RTCB: variants seen among roughly 807,000 people sequenced by gnomAD.
The protein encoded by RTCB is RNA-splicing ligase RTCB.
RTCB carries 32 observed loss-of-function variants against 58.2 expected under a neutral mutation model. The observed-to-expected ratio is 0.55, with a 90% CI of 0.41 to 0.74. RTCB has a LOEUF of 0.74. Among genes scored for constraint, RTCB ranks in the 30% least tolerant of loss-of-function variants. The probability of loss-of-function intolerance (pLI) is 0.00; values close to 1 mark genes in which losing one functional copy is unlikely to be tolerated. For missense variants in RTCB, 523 were observed against 639.0 expected (o/e 0.82, Z 1.96); for synonymous variants, 247 against 218.6 (o/e 1.13, Z -1.15).
At chr22:32,403,693 T>C (rs575296546) in intron 4 of RTCB, among the ~76,000 whole-genome samples, 1 of 152,174 alleles carries the variant, frequency 6.6e-6, no homozygotes, top group Non-Finnish European at 1.5e-5. Flanking sequence ...AGCCTCTGAA[T>C]TGCCTGGGAC....
intron 11 of RTCB, among the ~76,000 whole-genome samples, chr22:32,390,453 C>CTT (rs1303865991): frequency 6.9e-6 from 1 of 145,380 alleles, no homozygotes; most frequent in Non-Finnish European, 1.5e-5. Flanking sequence ...TTTCCAAATC[C>CTT]TTTTTTTTTT....
chr22:32,399,827 T>A, intron 5 of RTCB, 68 bp from the exon 6 acceptor site: 1 of 1,418,832 alleles, frequency 7.0e-7, no homozygotes, highest in Non-Finnish European at 9.5e-7. Flanking sequence ...GATGACCACA[T>A]CCTTAAAGGG....
chr22:32,394,915 CAG>C, intron 9 of RTCB, 109 bp downstream of exon 9: 1 of 888,614 alleles, frequency 1.1e-6, no homozygotes, highest in Non-Finnish European at 1.7e-6. Flanking sequence ...TCATGAGTGA[CAG>C]AGTATTTTCT....
chr22:32,410,673 G>A (rs1451588401), intron 1 of RTCB, among the ~76,000 whole-genome samples: 1 of 151,530 alleles, frequency 6.6e-6, no homozygotes, highest in East Asian at 1.9e-4. Flanking sequence ...GACAGTCTGT[G>A]TTATTAGATC....
At chr22:32,388,634 TTC>T (rs776053067) in intron 11 of RTCB, among the ~76,000 whole-genome samples, 2 of 152,142 alleles carry the variant, frequency 1.3e-5, no homozygotes, top group South Asian at 2.1e-4. Flanking sequence ...CACAGACAAT[TTC>T]TGTGACTTTC....
intron 10 of RTCB, 104 bp from the exon 11 acceptor site, chr22:32,392,463 A>AC (rs1358760048): frequency 6.9e-7 from 1 of 1,443,692 alleles, no homozygotes; most frequent in Non-Finnish European, 9.6e-7. Context: ...CATCTTTTTT[A>AC]CTTTATCGAA....
In RTCB at chr22:32,398,139, C is replaced by T. The variant is rs759809114; in HGVS notation, c.655-39G>A. ...AATGTCTGGTAAGATAGTTTTTATT[C>T]CAGTTTTTTTTTTAATCTATTTAAA... On this transcript the variant is annotated intron_variant, in intron 6 of 11. Coordinates refer to ENST00000216038, the MANE Select transcript of RTCB (RefSeq NM_014306.5). 3.8e-6 allele frequency: 6 copies of T among 1,578,442 alleles called. No individual in the cohort carries two copies. In the South Asian group the frequency reaches 7.2e-5, roughly 19 times the overall value.
intron 4 of RTCB, among the ~76,000 whole-genome samples, chr22:32,403,572 T>C (rs576176648): frequency 1.3e-5 from 2 of 152,284 alleles, no homozygotes; most frequent in East Asian, 1.9e-4. Context: ...TCTTAGAAAA[T>C]GTCAAGTACA....
intron 1 of RTCB, among the ~76,000 whole-genome samples, chr22:32,411,824 G>A (rs1053694094): frequency 6.6e-6 from 1 of 152,146 alleles, no homozygotes; most frequent in Non-Finnish European, 1.5e-5. Flanking sequence ...TATTTATTTA[G>A]ATTCCCATAT....
intron 11 of RTCB, among the ~76,000 whole-genome samples, chr22:32,391,218 T>C (rs1933148911): frequency 2.6e-5 from 4 of 152,184 alleles, no homozygotes; most frequent in Admixed American, 1.3e-4. Flanking sequence ...AAATGTCCAC[T>C]ACAGGCAGAA....
At chr22:32,409,773 TC>T (rs1253970630) in intron 1 of RTCB, among the ~76,000 whole-genome samples, 21 of 152,068 alleles carry the variant, frequency 1.4e-4, no homozygotes, top group Admixed American at 2.6e-4. Context: ...GAATATAAGA[TC>T]TTCCTTTCAA....
At chr22:32,410,721 T>C (rs536240208) in intron 1 of RTCB, among the ~76,000 whole-genome samples, 180 of 106,532 alleles carry the variant, frequency 1.7e-3, no homozygotes, top group African/African-American at 7.4e-3. Context: ...CTTTTTCTTT[T>C]CTTTTTTTTT....
intron 10 of RTCB, chr22:32,392,603 C>T (rs192220083): frequency 1.5e-3 from 930 of 608,616 alleles, no homozygotes; most frequent in Non-Finnish European, 2.3e-3. Context: ...TCCCTCGCCT[C>T]TAAGACCCAC....
At chr22:32,396,500 T>G (rs1933248975) in intron 7 of RTCB, among the ~76,000 whole-genome samples, 1 of 152,222 alleles carries the variant, frequency 6.6e-6, no homozygotes. Context: ...TGAAAGAGAA[T>G]GGGATGTGTA....
intron 11 of RTCB, among the ~76,000 whole-genome samples, 200 bp from the exon 12 acceptor site, chr22:32,388,299 T>A (rs1443210467): frequency 1.3e-5 from 2 of 152,200 alleles, no homozygotes; most frequent in Non-Finnish European, 2.9e-5. Context: ...TTCACCTTTT[T>A]TTTTTTCTGT....
intron 1 of RTCB, among the ~76,000 whole-genome samples, chr22:32,411,121 G>C (rs1434870942): frequency 6.6e-6 from 1 of 152,170 alleles, no homozygotes; most frequent in Non-Finnish European, 1.5e-5. Flanking sequence ...TTCCCTCAGT[G>C]TAAGTGACTT....
At chr22:32,394,784 AT>A (rs1933216009) in intron 9 of RTCB, among the ~76,000 whole-genome samples, 1 of 152,174 alleles carries the variant, frequency 6.6e-6, no homozygotes, top group Non-Finnish European at 1.5e-5. Context: ...AAAGGCCTCA[AT>A]TCACGGTAGT....
intron 4 of RTCB, among the ~76,000 whole-genome samples, chr22:32,404,718 G>C (rs118155147): frequency 6.6e-6 from 1 of 151,710 alleles, no homozygotes; most frequent in Non-Finnish European, 1.5e-5. Context: ...TCACTCTGTC[G>C]CCCATGCTGG....
At chr22:32,408,861 G>A (rs1193589222) in intron 1 of RTCB, 28 bp from the exon 2 acceptor site, 2 of 1,529,360 alleles carry the variant, frequency 1.3e-6, no homozygotes, top group Non-Finnish European at 1.8e-6. Flanking sequence ...GAAAAGCAAT[G>A]TCTGAGTACA....
Sources: gnomAD v4.1 joint callset for allele counts (sites outside exome capture counted in the v4.1 genomes callset) on GRCh38, gnomAD v4.1.1 for gene constraint, MANE v1.5 for transcripts, NCBI Gene and HGNC (gene_info 2026-07-23, HGNC 2026-07-21) for gene names.